The following ACOXL variants were observed in gnomAD, a reference collection of about 807,000 sequenced individuals.
ACOXL encodes acyl-CoA oxidase like.
A neutral mutation model predicts 71.9 loss-of-function variants in ACOXL; 70 were observed. The observed-to-expected ratio is 0.97, with a 90% CI of 0.80 to 1.19. The LOEUF (loss-of-function observed/expected upper bound fraction) is 1.19. ACOXL is among the 50% of genes most tolerant of loss of function. The pLI is 0.00. For synonymous variants in ACOXL, 253 were observed against 281.6 expected, an observed-to-expected ratio of 0.90 and a Z score of 1.02; for missense variants, 703 against 736.3, an observed-to-expected ratio of 0.95 and a Z score of 0.52.
chr2:111,052,533 G>A, intron 16 of ACOXL, among the ~76,000 whole-genome samples: 1 of 152,092 alleles, frequency 6.6e-6, no homozygotes, highest in East Asian at 1.9e-4. Flanking sequence ...AGGGGGCTAG[G>A]GAAACGGTAC....
intron 10 of ACOXL, among the ~76,000 whole-genome samples, chr2:110,878,910 TAGCC>T (rs571496030): frequency 1.3e-3 from 201 of 151,464 alleles, no homozygotes; most frequent in Non-Finnish European, 1.8e-3. Context: ...ACACAAAAAT[TAGCC>T]AGGCATGGTG....
chr2:110,914,429 G>T (rs1231682462), intron 11 of ACOXL, among the ~76,000 whole-genome samples: 1 of 152,062 alleles, frequency 6.6e-6, no homozygotes, highest in Admixed American at 6.5e-5. Context: ...TAGAAATCTT[G>T]CACATTTTTC....
At chr2:110,979,420 C>T (rs1290566407) in intron 12 of ACOXL, among the ~76,000 whole-genome samples, 4 of 152,174 alleles carry the variant, frequency 2.6e-5, no homozygotes, top group Admixed American at 2.6e-4. Context: ...TCCCCAGAAA[C>T]CTTCAGCTGA....
At chr2:111,007,210 G>A (rs144927805) in intron 14 of ACOXL, among the ~76,000 whole-genome samples, 4 of 152,298 alleles carry the variant, frequency 2.6e-5, no homozygotes, top group African/African-American at 9.6e-5. Flanking sequence ...AGGCAATACA[G>A]TCACCAAGGG....
At position 110,965,686 on chromosome 2, in the gene ACOXL, CCCATT is replaced by C. The variant is rs544041225; in HGVS notation, c.1060-21419_1060-21415del. On this transcript the variant is annotated intron_variant, in intron 12 of 17. Coordinates refer to ENST00000439055, the MANE Select transcript of ACOXL (RefSeq NM_001142807.4). ...TCCTGGCCTGCTAAGATAGAATAGC[CCCATT>C]CCTTACAGATTTTCCTCTTCACAGT... 1.2e-3 allele frequency among the ~76,000 whole-genome samples: 177 copies of C among 152,196 alleles called. 1 individual carries two copies. The highest frequency in any genetic ancestry group is 2.0e-3 in the Non-Finnish European group (139 of 68,010).
intron 1 of ACOXL, among the ~76,000 whole-genome samples, chr2:110,743,621 C>T (rs1460459517): frequency 1.3e-5 from 2 of 152,118 alleles, no homozygotes; most frequent in Admixed American, 6.5e-5. Flanking sequence ...ACGGGATCCT[C>T]GATTGACCAG....
At chr2:111,055,761 C>G (rs2066504006) in intron 16 of ACOXL, among the ~76,000 whole-genome samples, 1 of 152,234 alleles carries the variant, frequency 6.6e-6, no homozygotes, top group Non-Finnish European at 1.5e-5. Flanking sequence ...TCAGTAGTGT[C>G]AGTCCTTGTT....
At chr2:110,950,339 A>G (rs1005538163) in intron 12 of ACOXL, among the ~76,000 whole-genome samples, 5 of 152,170 alleles carry the variant, frequency 3.3e-5, no homozygotes, top group Non-Finnish European at 7.4e-5. Context: ...CAGCAGTAAA[A>G]CTGACCTTCA....
chr2:110,985,741 G>T (rs2062904889), intron 12 of ACOXL, among the ~76,000 whole-genome samples: 1 of 152,174 alleles, frequency 6.6e-6, no homozygotes, highest in South Asian at 2.1e-4. Flanking sequence ...AAACCTGAAA[G>T]CTTTGGTGTA....
intron 10 of ACOXL, among the ~76,000 whole-genome samples, chr2:110,877,550 C>T (rs1696080747): frequency 6.6e-6 from 1 of 152,120 alleles, no homozygotes; most frequent in African/African-American, 2.4e-5. Flanking sequence ...AGAACTTAAC[C>T]CTTTGAACGT....
chr2:110,788,113 C>T (rs1684212094), intron 3 of ACOXL, among the ~76,000 whole-genome samples: 2 of 152,142 alleles, frequency 1.3e-5, no homozygotes, highest in South Asian at 4.1e-4. Flanking sequence ...AATTACCATA[C>T]AGCCCAGCAT....
At chr2:110,984,045 T>C (rs2062828905) in intron 12 of ACOXL, among the ~76,000 whole-genome samples, 1 of 151,976 alleles carries the variant, frequency 6.6e-6, no homozygotes, top group African/African-American at 2.4e-5. Context: ...GGGGTTTCAC[T>C]ATGTTGGCTA....
chr2:110,861,018 G>A (rs1251381074), intron 10 of ACOXL, among the ~76,000 whole-genome samples: 1 of 152,224 alleles, frequency 6.6e-6, no homozygotes, highest in Non-Finnish European at 1.5e-5. Flanking sequence ...TCGAGAGGCT[G>A]AGGCATGAGA....
At chr2:110,859,289 G>C (rs189867093) in intron 10 of ACOXL, among the ~76,000 whole-genome samples, 1 of 152,192 alleles carries the variant, frequency 6.6e-6, no homozygotes, top group Non-Finnish European at 1.5e-5. Context: ...GCTTCTGAGC[G>C]TAGCTTTCTA....
At chr2:110,829,907 C>CT (rs1689612160) in intron 9 of ACOXL, among the ~76,000 whole-genome samples, 1 of 152,154 alleles carries the variant, frequency 6.6e-6, no homozygotes, top group African/African-American at 2.4e-5. Flanking sequence ...CTTCCTTGTT[C>CT]TTTCACTGCT....
intron 10 of ACOXL, among the ~76,000 whole-genome samples, chr2:110,895,861 G>T (rs902411632): frequency 1.3e-5 from 2 of 151,954 alleles, no homozygotes; most frequent in African/African-American, 4.8e-5. Flanking sequence ...GAAACTAAAA[G>T]AATCCTAAAA....
At position 111,075,367 on chromosome 2, in the gene ACOXL, A is replaced by T. The variant is rs1324622850; in HGVS notation, c.1441-17498A>T. Among the ~76,000 whole-genome samples, 3 of 152,096 alleles carry T rather than the reference A, an allele frequency of 2.0e-5. No homozygotes were observed. In the East Asian group the frequency reaches 5.8e-4, roughly 29 times the overall value. On this transcript the variant is annotated intron_variant, in intron 16 of 17. Coordinates refer to ENST00000439055, the MANE Select transcript of ACOXL (RefSeq NM_001142807.4). ...ACTTCATTTCAGCTGTTACCAAATT[A>T]TGTGTGTAAGGTTGTTCATAGTGTT... is the stretch of plus-strand genomic sequence containing the variant.
chr2:110,848,387 A>G (rs1692175212), intron 10 of ACOXL, among the ~76,000 whole-genome samples: 1 of 152,220 alleles, frequency 6.6e-6, no homozygotes, highest in Non-Finnish European at 1.5e-5. Flanking sequence ...GTATAATCTT[A>G]AAACAAAGCC....
At position 111,117,819 on chromosome 2, in the gene ACOXL, G is replaced by C; in HGVS notation, c.*3G>C. On this transcript the variant is annotated 3_prime_UTR_variant, in exon 18 of 18. Transcript: ENST00000439055. ...CCAAGCTGGGAGCCAAGCTCTAACG[G>C]GTGTGGCGGGAAGTGTGGTGGCCCG... The C allele has an allele frequency of 6.5e-7, 1 of 1,545,900 alleles. No individual in the cohort carries two copies. The highest frequency in any genetic ancestry group is 2.4e-5 in the East Asian group (1 of 40,860).
Sources: allele counts gnomAD v4.1 joint callset (sites outside exome capture counted in the v4.1 genomes callset), GRCh38; gene constraint gnomAD v4.1.1; transcripts MANE v1.5; gene names NCBI Gene and HGNC (gene_info 2026-07-23, HGNC 2026-07-21).